The following AK5 variants were observed in gnomAD, a reference collection of about 807,000 sequenced individuals.
AK5 encodes the protein adenylate kinase isoenzyme 5.
AK5 carries 27 observed loss-of-function variants against 69.5 expected under a neutral mutation model. The observed-to-expected ratio is 0.39, with a 90% CI of 0.29 to 0.54. AK5 has a LOEUF of 0.54. Ranked by LOEUF, AK5 falls within the 20% of genes least tolerant of loss-of-function variation. The pLI is 0.71. For synonymous variants in AK5, 260 were observed against 244.4 expected (o/e 1.06, Z -0.60); for missense variants, 531 against 700.4 (o/e 0.76, Z 2.73).
At chr1:77,404,390 C>T (rs968775064) in intron 6 of AK5, among the ~76,000 whole-genome samples, 1 of 151,762 alleles carries the variant, frequency 6.6e-6, no homozygotes, top group African/African-American at 2.4e-5. Flanking sequence ...GAGTGGGGAT[C>T]GTTTCTGCTT....
Position 77,475,465 on chromosome 1 carries a change from T to TTATA in AK5, c.1060-7848_1060-7845dup, listed in dbSNP as rs10672519. 2.4e-3 allele frequency among the ~76,000 whole-genome samples: 31 copies of TTATA among 12,828 alleles called. 1 individual carries two copies. The South Asian group carries it at 0.039, about 16-fold the overall frequency. 8.4% of individuals were successfully genotyped at this position (12,828 alleles called of 152,430 possible). A position where few individuals can be genotyped will look rare whatever the true frequency, so the allele number is the denominator to read the frequency against. ...TATATTATATATATACAAATATATA[T>TTATA]TATATATGTATATATATTATATATA... is the stretch of plus-strand genomic sequence containing the variant. On this transcript the variant is annotated intron_variant, in intron 8 of 13. Coordinates refer to ENST00000354567, the MANE Select transcript of AK5 (RefSeq NM_174858.3).
intron 8 of AK5, among the ~76,000 whole-genome samples, chr1:77,448,204 A>G (rs1652874664): frequency 6.6e-6 from 1 of 152,160 alleles, no homozygotes; most frequent in Non-Finnish European, 1.5e-5. Flanking sequence ...GATGGCCTGA[A>G]GCATGGGGGC....
At chr1:77,345,458 A>G (rs961755554) in intron 6 of AK5, among the ~76,000 whole-genome samples, 3 of 152,238 alleles carry the variant, frequency 2.0e-5, no homozygotes, top group Admixed American at 2.0e-4. Flanking sequence ...GTATAGACCA[A>G]TGTTTCCCTA....
chr1:77,405,163 T>C (rs1304580362), intron 6 of AK5, among the ~76,000 whole-genome samples: 2 of 152,208 alleles, frequency 1.3e-5, no homozygotes, highest in Non-Finnish European at 2.9e-5. Context: ...AAAGTGACAA[T>C]TTGTGTCAGG....
At chr1:77,454,249 C>G (rs1282202943) in intron 8 of AK5, among the ~76,000 whole-genome samples, 2 of 152,162 alleles carry the variant, frequency 1.3e-5, no homozygotes, top group Non-Finnish European at 2.9e-5. Context: ...CCCCTCTTTA[C>G]TCTGGAATAT....
At chr1:77,286,627 G>A (rs185013024) in intron 1 of AK5, among the ~76,000 whole-genome samples, 3 of 151,932 alleles carry the variant, frequency 2.0e-5, no homozygotes, top group African/African-American at 7.2e-5. Flanking sequence ...TAGGTGGATC[G>A]CTTGAGTTAA....
intron 2 of AK5, among the ~76,000 whole-genome samples, chr1:77,291,121 AG>A (rs1658662540): frequency 6.6e-6 from 1 of 152,200 alleles, no homozygotes; most frequent in African/African-American, 2.4e-5. Flanking sequence ...GCAGACAAAG[AG>A]GCTGTAATTT....
chr1:77,506,216 T>TTTGGTTGGTTGGTTGG (rs60715102), intron 10 of AK5, among the ~76,000 whole-genome samples: 19 of 148,972 alleles, frequency 1.3e-4, no homozygotes, highest in Admixed American at 2.7e-4. Context: ...AGGATCGGTG[T>TTTGGTTGGTTGGTTGG]TTGGTTGGTT....
At chr1:77,423,084 G>A (rs1468545874) in intron 8 of AK5, among the ~76,000 whole-genome samples, 1 of 151,950 alleles carries the variant, frequency 6.6e-6, no homozygotes, top group South Asian at 2.1e-4. Flanking sequence ...AGCCGGGCGT[G>A]GTGGTGGGCA....
intron 5 of AK5, among the ~76,000 whole-genome samples, chr1:77,320,980 T>C (rs1301224596): frequency 2.0e-5 from 3 of 152,130 alleles, no homozygotes; most frequent in Non-Finnish European, 4.4e-5. Context: ...AATAGACAAA[T>C]GCAAACTCAT....
rs1252805915 is a variant in AK5 at position 77,426,709 on chromosome 1, G to A, written c.1059+8994G>A. Among the ~76,000 whole-genome samples the A allele has an allele frequency of 2.0e-5, 3 of 152,052 alleles. No homozygotes were observed. The South Asian group carries it at 6.2e-4, about 32-fold the overall frequency. On this transcript the variant is annotated intron_variant, in intron 8 of 13. Transcript: ENST00000354567. Reference sequence around the variant, plus strand: ...ATACACATTCTTCTCAAGCTCACATGGAATATTCACCAAGACTACATTCTG... The same window carrying A: ...ATACACATTCTTCTCAAGCTCACATAGAATATTCACCAAGACTACATTCTG...
chr1:77,382,736 T>A (rs1264881857), intron 6 of AK5, among the ~76,000 whole-genome samples: 1 of 152,220 alleles, frequency 6.6e-6, no homozygotes, highest in African/African-American at 2.4e-5. Context: ...TCTTGGGGCT[T>A]TGGTTTCCTC....
At chr1:77,494,171 C>G (rs983598017) in intron 10 of AK5, among the ~76,000 whole-genome samples, 1 of 152,182 alleles carries the variant, frequency 6.6e-6, no homozygotes, top group African/African-American at 2.4e-5. Context: ...GTGTCCCTAC[C>G]CATTGGTTGA....
chr1:77,363,791 T>G (rs1646905569), intron 6 of AK5, among the ~76,000 whole-genome samples: 7 of 152,170 alleles, frequency 4.6e-5, no homozygotes, highest in Admixed American at 4.6e-4. Flanking sequence ...TACCTTCTCA[T>G]TGAGATCTTC....
intron 13 of AK5, among the ~76,000 whole-genome samples, chr1:77,555,637 A>G (rs1660061593): frequency 6.6e-6 from 1 of 152,256 alleles, no homozygotes; most frequent in African/African-American, 2.4e-5. Flanking sequence ...GTTATTTAAA[A>G]AGCATTCCTG....
chr1:77,429,645 T>C (rs2647520), intron 8 of AK5, among the ~76,000 whole-genome samples: 148,209 of 151,898 alleles, frequency 0.98, 72,408 homozygotes, highest in Middle Eastern at 1. Context: ...TAGATGTGGT[T>C]GGTGAGGTGA....
At chr1:77,508,517 A>G (rs2256812) in intron 10 of AK5, among the ~76,000 whole-genome samples, 151,719 of 152,266 alleles carry the variant, frequency 1, 75,590 homozygotes, top group Middle Eastern at 1. Context: ...GTACACATCC[A>G]CCTCTGCCCA....
At chr1:77,435,699 T>C (rs1651917794) in intron 8 of AK5, among the ~76,000 whole-genome samples, 1 of 150,746 alleles carries the variant, frequency 6.6e-6, no homozygotes, top group African/African-American at 2.4e-5. Flanking sequence ...TTTTACAGAA[T>C]TAAAAATCAA....
chr1:77,450,135 A>G (rs1191078225), intron 8 of AK5, among the ~76,000 whole-genome samples: 1 of 152,044 alleles, frequency 6.6e-6, no homozygotes, highest in Non-Finnish European at 1.5e-5. Context: ...CAAGTTCCTC[A>G]TCTCCATCTG....
Sources: gnomAD v4.1 joint callset for allele counts (sites outside exome capture counted in the v4.1 genomes callset) on GRCh38, gnomAD v4.1.1 for gene constraint, MANE v1.5 for transcripts, NCBI Gene and HGNC (gene_info 2026-07-23, HGNC 2026-07-21) for gene names.